The following PDCD6 variants were observed in gnomAD, a reference collection of about 807,000 sequenced individuals.
The protein encoded by PDCD6 is programmed cell death protein 6.
A neutral mutation model predicts 28.3 loss-of-function variants in PDCD6; 12 were observed. That is an observed-to-expected ratio of 0.42 (90% CI 0.27 to 0.69). The LOEUF (loss-of-function observed/expected upper bound fraction) is 0.69, where lower values mean the gene tolerates loss of function less well. PDCD6 is among the 30% of genes least tolerant of loss of function. The pLI is 0.22. For missense variants in PDCD6, 226 were observed against 269.9 expected, an observed-to-expected ratio of 0.84 and a Z score of 1.14; for synonymous variants, 92 against 108.0, an observed-to-expected ratio of 0.85 and a Z score of 0.92.
intron 2 of PDCD6, among the ~76,000 whole-genome samples, chr5:294,650 G>GT: frequency 6.6e-6 from 1 of 152,392 alleles, no homozygotes. Flanking sequence ...TTCTTACGAA[G>GT]TTAAGCACAT....
chr5:271,902 C>T (rs1418408287), intron 1 of PDCD6, 81 bp downstream of exon 1: 13 of 713,312 alleles, frequency 1.8e-5, no homozygotes, highest in South Asian at 2.9e-5. Flanking sequence ...CGACCAACCC[C>T]GTTCCCTGCC....
chr5:310,828 T>C (rs1740865449), intron 4 of PDCD6: 1 of 158,570 alleles, frequency 6.3e-6, no homozygotes, highest in Non-Finnish European at 1.3e-5. Flanking sequence ...AATTTTAGTT[T>C]TCAAAGCATT....
At chr5:276,094 T>C (rs1017198795) in intron 2 of PDCD6, 3 of 1,064,850 alleles carry the variant, frequency 2.8e-6, no homozygotes, top group Non-Finnish European at 2.5e-6. Flanking sequence ...ATGAGTGTAG[T>C]GGTGCACGCC....
chr5:309,607 CCCAGTGATGGCCGCCG>C (rs1740766373), intron 4 of PDCD6: 1 of 132,266 alleles, frequency 7.6e-6, no homozygotes, highest in East Asian at 2.8e-4. Context: ...CCCCGTGCAC[CCCAGTGATGGCCGCCG>C]TCCCCGTGCA....
At chr5:282,731 A>C (rs1738660253) in intron 2 of PDCD6, among the ~76,000 whole-genome samples, 2 of 150,886 alleles carry the variant, frequency 1.3e-5, no homozygotes, top group Admixed American at 1.3e-4. Context: ...ATTTAGGGTC[A>C]TGGAACTGGA....
chr5:277,301 A>ATTTTTTTT (rs74799424), intron 2 of PDCD6, among the ~76,000 whole-genome samples: 3 of 86,204 alleles, frequency 3.5e-5, no homozygotes, highest in Admixed American at 1.4e-4. Context: ...AATTTTTTGT[A>ATTTTTTTT]TTTTTTTTTT....
chr5:281,527 G>T (rs1561032814), intron 2 of PDCD6, among the ~76,000 whole-genome samples: 1 of 152,208 alleles, frequency 6.6e-6, no homozygotes, highest in South Asian at 2.1e-4. Context: ...GGTGGGAGAG[G>T]TGTTCTAGTT....
intron 2 of PDCD6, among the ~76,000 whole-genome samples, chr5:279,486 C>T (rs1209375056): frequency 6.6e-6 from 1 of 152,134 alleles, no homozygotes; most frequent in Admixed American, 6.5e-5. Flanking sequence ...CAAGGCCAGA[C>T]TAGATCAGCC....
intron 2 of PDCD6, chr5:290,392 A>AC: frequency 5.0e-6 from 4 of 807,120 alleles, no homozygotes; most frequent in East Asian, 2.5e-5. Flanking sequence ...GCCTCCCCCC[A>AC]CCCCCCGACG....
At chr5:302,816 A>C (rs1350479312) in intron 2 of PDCD6, among the ~76,000 whole-genome samples, 1 of 146,160 alleles carries the variant, frequency 6.8e-6, no homozygotes, top group Admixed American at 6.8e-5. Context: ...GTTCAGGTGC[A>C]CCTGCCTTTG....
At chr5:310,865 C>G (rs1454036472) in intron 4 of PDCD6, 1 of 174,294 alleles carries the variant, frequency 5.7e-6, no homozygotes, top group Admixed American at 6.5e-5. Flanking sequence ...CCCAGGGCAG[C>G]GAATCATTCA....
chr5:302,177 G>C (rs1460089144), intron 2 of PDCD6, among the ~76,000 whole-genome samples: 1 of 136,964 alleles, frequency 7.3e-6, no homozygotes, highest in African/African-American at 2.7e-5. Flanking sequence ...TGGAGGGCGG[G>C]TCGTGGAGTG....
intron 2 of PDCD6, among the ~76,000 whole-genome samples, chr5:286,028 C>T (rs1237279713): frequency 6.8e-6 from 1 of 148,140 alleles, no homozygotes; most frequent in East Asian, 2.0e-4. Context: ...TAGGGCCATG[C>T]AGCTGGAGAC....
chr5:296,404 A>G (rs891890259), intron 2 of PDCD6, among the ~76,000 whole-genome samples: 3 of 152,132 alleles, frequency 2.0e-5, no homozygotes, highest in Non-Finnish European at 4.4e-5. Context: ...GGCACGTGGC[A>G]TATTTCAGAT....
At chr5:296,729 C>T (rs1299428785) in intron 2 of PDCD6, among the ~76,000 whole-genome samples, 19 of 151,102 alleles carry the variant, frequency 1.3e-4, no homozygotes, top group African/African-American at 2.2e-4. Context: ...GTGAGGAGGA[C>T]GCTCCCTTCG....
In PDCD6 at chr5:311,407, C is replaced by CG; in HGVS notation, c.477+7dup. On this transcript the variant is annotated splice_donor_region_variant and intron_variant, in intron 5 of 5. Transcript: ENST00000264933. ...CAGGGCTGCATCGTCCTGCAGGTGA[C>CG]GGAATGGCTTCACGTGGGTTTGTGG... 1 of 1,599,888 alleles carries CG rather than the reference C, an allele frequency of 6.3e-7. No homozygotes were observed. The highest frequency in any genetic ancestry group is 8.6e-7 in the Non-Finnish European group (1 of 1,167,244).
At chr5:303,912 A>G (rs1195573357) in intron 2 of PDCD6, among the ~76,000 whole-genome samples, 1 of 151,432 alleles carries the variant, frequency 6.6e-6, no homozygotes, top group Non-Finnish European at 1.5e-5. Flanking sequence ...ATAAGAGTGC[A>G]TGTCCAGCCG....
At position 305,629 on chromosome 5, in the gene PDCD6, G is replaced by T. The variant is rs1445812754; in HGVS notation, c.209-973G>T. On this transcript the variant is annotated intron_variant, in intron 3 of 5. Transcript: ENST00000264933. The surrounding 1 kb of genome is among the most constrained non-coding windows in gnomAD (Gnocchi z 4.0). ...GCTCACCCAGCATCCTTCCCTGCTG[G>T]TGTGTGGTGCGCAGTGGGTCCTGCA... 6.6e-6 allele frequency: 1 copy of T among 152,228 alleles called. No individual in the cohort carries two copies. The highest frequency in any genetic ancestry group is 1.5e-5 in the Non-Finnish European group (1 of 68,044). 9.4% of individuals were successfully genotyped at this position (152,228 alleles called of 1,614,324 possible).
At chr5:291,560 C>T (rs545673183) in intron 2 of PDCD6, among the ~76,000 whole-genome samples, 9 of 150,642 alleles carry the variant, frequency 6.0e-5, no homozygotes, top group African/African-American at 2.0e-4. Context: ...CGTGATCTCC[C>T]GTCTCCATTC....
Sources: gnomAD v4.1 joint callset for allele counts (sites outside exome capture counted in the v4.1 genomes callset) on GRCh38, gnomAD v4.1.1 for gene constraint, Gnocchi (gnomAD v3.1) non-coding constraint, MANE v1.5 for transcripts, NCBI Gene and HGNC (gene_info 2026-07-23, HGNC 2026-07-21) for gene names.